Variants in TMEM272 observed in about 807,000 individuals in gnomAD.
TMEM272 encodes transmembrane protein 272, also known as long intergenic non-protein coding RNA 282.
Under a neutral mutation model 3.7 loss-of-function variants are expected in TMEM272, and 8 were observed. The ratio of observed to expected loss-of-function variants is 2.17; its 90% CI spans 1.27 to 3.91. The LOEUF (loss-of-function observed/expected upper bound fraction) is 3.91, where lower values mean the gene tolerates loss of function less well. TMEM272 is among the 30% of genes most tolerant of loss of function. The probability of loss-of-function intolerance (pLI) is 0.00; values close to 1 mark genes in which losing one functional copy is unlikely to be tolerated. For missense variants in TMEM272, 166 were observed against 91.5 expected (o/e 1.81, Z -3.32); for synonymous variants, 63 against 39.8 (o/e 1.58, Z -2.20).
the TMEM272 span, among the ~76,000 whole-genome samples, chr13:51,913,328 T>C: frequency 3.3e-5 from 5 of 152,218 alleles, no homozygotes; most frequent in Non-Finnish European, 7.3e-5. Flanking sequence ...CAGTGGCATT[T>C]TGAAATTTAC....
At chr13:51,922,381 G>C in the TMEM272 span, among the ~76,000 whole-genome samples, 1 of 152,300 alleles carries the variant, frequency 6.6e-6, no homozygotes, top group South Asian at 2.1e-4. Flanking sequence ...CTGCTGGGTT[G>C]TATTTCTATA....
At chr13:51,908,679 A>G in the TMEM272 span, 10 of 1,475,526 alleles carry the variant, frequency 6.8e-6, no homozygotes, top group Non-Finnish European at 9.5e-6. Flanking sequence ...TGACCCATCC[A>G]TTTTATCCAA....
chr13:51,923,353 C>T, the TMEM272 span, among the ~76,000 whole-genome samples: 1 of 152,224 alleles, frequency 6.6e-6, no homozygotes, highest in Admixed American at 6.5e-5. Flanking sequence ...TGAGGAGCTG[C>T]TCTGTGACCT....
the TMEM272 span, chr13:51,866,142 G>A: frequency 7.5e-7 from 1 of 1,326,178 alleles, no homozygotes; most frequent in Non-Finnish European, 1.0e-6. Flanking sequence ...CAAGTCCAGG[G>A]TGAGCCCATG....
At chr13:51,885,874 G>A in the TMEM272 span, among the ~76,000 whole-genome samples, 3 of 152,098 alleles carry the variant, frequency 2.0e-5, no homozygotes, top group African/African-American at 4.8e-5. Context: ...CTGAAATCAC[G>A]CCAAACAAAT....
At chr13:51,883,158 G>C in the TMEM272 span, among the ~76,000 whole-genome samples, 1 of 152,246 alleles carries the variant, frequency 6.6e-6, no homozygotes, top group Non-Finnish European at 1.5e-5. Context: ...AGAAATGTTG[G>C]AGCATTTGTA....
the TMEM272 span, among the ~76,000 whole-genome samples, chr13:51,885,124 A>G: frequency 6.6e-6 from 1 of 152,210 alleles, no homozygotes; most frequent in Non-Finnish European, 1.5e-5. Flanking sequence ...TAAGATGTGA[A>G]GTTCAGTCTG....
upstream of TMEM272, among the ~76,000 whole-genome samples, chr13:51,850,012 C>T (rs753056999): frequency 5.3e-5 from 8 of 152,110 alleles, no homozygotes; most frequent in Non-Finnish European, 1.0e-4. Context: ...ACCAGGAGTT[C>T]GAGACCAGCT....
chr13:51,835,974 T>C (rs989876187), intron 2 of TMEM272, among the ~76,000 whole-genome samples: 3 of 152,330 alleles, frequency 2.0e-5, no homozygotes, highest in Middle Eastern at 3.4e-3. Context: ...GTTGATGACC[T>C]AATAAAGCCT....
chr13:51,839,590 G>A (rs967606607), intron 1 of TMEM272, among the ~76,000 whole-genome samples: 1 of 152,174 alleles, frequency 6.6e-6, no homozygotes, highest in African/African-American at 2.4e-5. Context: ...GCAAACCAAG[G>A]GACCACAGCA....
chr13:51,848,841 C>G (rs528917249), upstream of TMEM272, among the ~76,000 whole-genome samples: 11 of 152,246 alleles, frequency 7.2e-5, no homozygotes, highest in African/African-American at 2.6e-4. Flanking sequence ...TCTTTGTCTT[C>G]GTCTTTGCTT....
the TMEM272 span, among the ~76,000 whole-genome samples, chr13:51,866,647 TAGTTCCG>T: frequency 2.0e-5 from 3 of 152,156 alleles, no homozygotes; most frequent in Non-Finnish European, 2.9e-5. Context: ...CACTCACTGG[TAGTTCCG>T]AGTTCCACCA....
the TMEM272 span, among the ~76,000 whole-genome samples, chr13:51,927,940 T>C: frequency 6.6e-6 from 1 of 151,924 alleles, no homozygotes; most frequent in African/African-American, 2.4e-5. Context: ...CCCAGAATGG[T>C]GAGTGACTTC....
the TMEM272 span, among the ~76,000 whole-genome samples, chr13:51,913,069 T>C: frequency 1.3e-5 from 2 of 152,190 alleles, no homozygotes; most frequent in South Asian, 2.1e-4. Context: ...ACCAAATTAA[T>C]AGATGAGTGG....
chr13:51,843,422 G>A (rs937989926), intron 1 of TMEM272, among the ~76,000 whole-genome samples: 2 of 152,092 alleles, frequency 1.3e-5, no homozygotes, highest in African/African-American at 4.8e-5. Context: ...CCTTTGAAGC[G>A]GCAGCTCTTC....
chr13:51,933,190 T>C, the TMEM272 span: 1 of 152,196 alleles, frequency 6.6e-6, no homozygotes, highest in South Asian at 2.1e-4. Context: ...TTTATTCTTA[T>C]CAGGAAAACT....
the TMEM272 span, among the ~76,000 whole-genome samples, chr13:51,888,588 C>T: frequency 1.3e-5 from 2 of 151,560 alleles, no homozygotes; most frequent in Admixed American, 1.3e-4. Context: ...ATAGGAATCA[C>T]TCCAAGTAAA....
chr13:51,879,537 A>C, the TMEM272 span, among the ~76,000 whole-genome samples: 13 of 152,184 alleles, frequency 8.5e-5, no homozygotes, highest in African/African-American at 2.9e-4. Flanking sequence ...AGAATGTAAC[A>C]ATTAAAAATT....
intron 4 of TMEM272, 51 bp downstream of exon 4, chr13:51,822,004 C>T (rs1156356375): frequency 1.4e-6 from 1 of 702,208 alleles, no homozygotes; most frequent in Non-Finnish European, 2.6e-6. Context: ...TACAGGATGC[C>T]TGTGAGTTAA....
Sources: allele counts gnomAD v4.1 joint callset (sites outside exome capture counted in the v4.1 genomes callset), GRCh38; gene constraint gnomAD v4.1.1; transcripts MANE v1.5; gene names NCBI Gene and HGNC (gene_info 2026-07-23, HGNC 2026-07-21).